The following GPC5 variants were observed in gnomAD, a reference collection of about 807,000 sequenced individuals.
The protein encoded by GPC5 is glypican-5.
A neutral mutation model predicts 53.9 loss-of-function variants in GPC5; 47 were observed. The observed-to-expected ratio is 0.87, with a 90% CI of 0.69 to 1.11. The LOEUF is 1.11. Ranked by LOEUF, GPC5 falls within the 50% of genes most tolerant of loss-of-function variation. The pLI, the probability that GPC5 is intolerant of heterozygous loss-of-function variation, is 0.00. For missense variants in GPC5, 748 were observed against 713.1 expected, an observed-to-expected ratio of 1.05 and a Z score of -0.56; for synonymous variants, 286 against 263.3, an observed-to-expected ratio of 1.09 and a Z score of -0.84.
chr13:91,758,871 C>A (rs2037351108), intron 5 of GPC5, among the ~76,000 whole-genome samples: 1 of 152,116 alleles, frequency 6.6e-6, no homozygotes, highest in African/African-American at 2.4e-5. Context: ...ACCTCATCAC[C>A]TTAATGGACA....
At chr13:92,536,097 T>C (rs1356057351) in intron 7 of GPC5, among the ~76,000 whole-genome samples, 3 of 152,164 alleles carry the variant, frequency 2.0e-5, no homozygotes, top group Non-Finnish European at 1.5e-5. Context: ...TATTTGGGTG[T>C]CTTTTACTAA....
At chr13:91,883,354 T>C (rs1436573676) in intron 5 of GPC5, among the ~76,000 whole-genome samples, 1 of 152,176 alleles carries the variant, frequency 6.6e-6, no homozygotes, top group African/African-American at 2.4e-5. Context: ...ATTGTAGCAG[T>C]CACAAGCATG....
At chr13:92,309,719 A>G (rs1437269446) in intron 7 of GPC5, among the ~76,000 whole-genome samples, 1 of 152,084 alleles carries the variant, frequency 6.6e-6, no homozygotes, top group Non-Finnish European at 1.5e-5. Flanking sequence ...CCATTATCTC[A>G]CATGTTTATC....
chr13:92,416,472 T>C (rs1323346496), intron 7 of GPC5, among the ~76,000 whole-genome samples: 1 of 152,188 alleles, frequency 6.6e-6, no homozygotes, highest in Admixed American at 6.5e-5. Flanking sequence ...GCAATGGAGA[T>C]AGAATAGTCT....
chr13:92,193,896 T>C (rs1321529202), intron 7 of GPC5, among the ~76,000 whole-genome samples: 1 of 152,214 alleles, frequency 6.6e-6, no homozygotes. Flanking sequence ...CGTACTGCTA[T>C]ATTTTTACTT....
At chr13:92,116,423 T>G (rs759757156) in intron 6 of GPC5, among the ~76,000 whole-genome samples, 1 of 152,148 alleles carries the variant, frequency 6.6e-6, no homozygotes, top group Admixed American at 6.5e-5. Context: ...CCAGAGAAAA[T>G]AAACTTCTGT....
chr13:91,528,893 C>G (rs533782918), intron 2 of GPC5, among the ~76,000 whole-genome samples: 1 of 152,168 alleles, frequency 6.6e-6, no homozygotes, highest in African/African-American at 2.4e-5. Flanking sequence ...TGCGTGAGAA[C>G]CCCCTTACTA....
chr13:91,603,656 T>C (rs946677956), intron 2 of GPC5, among the ~76,000 whole-genome samples: 4 of 152,226 alleles, frequency 2.6e-5, no homozygotes, highest in Non-Finnish European at 5.9e-5. Context: ...AATTTTGATA[T>C]GAAGTTTTGA....
At position 91,468,710 on chromosome 13, in the gene GPC5, G is replaced by T. The variant is rs562485280; in HGVS notation, c.325+19788G>T. ...TAAGCCCCTTAGGTTGTAGGGCTTT[G>T]TAACAGCAGCCCCAGGAAACCAATA... is the stretch of plus-strand genomic sequence containing the variant. On this transcript the variant is annotated intron_variant, in intron 2 of 7. Transcript: ENST00000377067. Among the ~76,000 whole-genome samples, 121 of 152,208 alleles carry T rather than the reference G, an allele frequency of 7.9e-4. No individual in the cohort carries two copies. The Middle Eastern group carries it at 0.017, about 21-fold the overall frequency.
rs2042979420 is a variant in GPC5 at position 92,289,538 on chromosome 13, T to C, written c.1561+144549T>C. Among the ~76,000 whole-genome samples, 6 of 152,192 alleles carry C rather than the reference T, an allele frequency of 3.9e-5. No individual in the cohort carries two copies. In the South Asian group the frequency reaches 1.2e-3, roughly 32 times the overall value. On this transcript the variant is annotated intron_variant, in intron 7 of 7. Coordinates refer to ENST00000377067, the MANE Select transcript of GPC5 (RefSeq NM_004466.6). ...ACATGAATTCTGTGAAAACATTTTATTTCTTTACCATATATACTGCAATAT... is the reference window on the plus strand; with the variant it reads ...ACATGAATTCTGTGAAAACATTTTACTTCTTTACCATATATACTGCAATAT...
intron 7 of GPC5, among the ~76,000 whole-genome samples, chr13:92,658,459 T>C (rs1000695097): frequency 1.3e-5 from 2 of 152,232 alleles, no homozygotes; most frequent in African/African-American, 2.4e-5. Flanking sequence ...AAGCCACACC[T>C]GTTCCAGCAC....
chr13:92,618,981 T>C (rs1217708918), intron 7 of GPC5, among the ~76,000 whole-genome samples: 1 of 151,968 alleles, frequency 6.6e-6, no homozygotes, highest in East Asian at 1.9e-4. Context: ...CACATCTATA[T>C]TAAAAAGTAG....
chr13:91,953,012 G>A (rs1384963051), intron 6 of GPC5, among the ~76,000 whole-genome samples: 1 of 152,144 alleles, frequency 6.6e-6, no homozygotes. Context: ...ATAACTTGGT[G>A]TCCTGGAGAG....
chr13:92,702,890 C>T (rs1355013543), intron 7 of GPC5, among the ~76,000 whole-genome samples: 1 of 151,824 alleles, frequency 6.6e-6, no homozygotes, highest in Non-Finnish European at 1.5e-5. Flanking sequence ...CACTGGTCTC[C>T]TTGGCTCCCC....
At chr13:91,977,958 A>T (rs1297819459) in intron 6 of GPC5, among the ~76,000 whole-genome samples, 2 of 36,236 alleles carry the variant, frequency 5.5e-5, no homozygotes, top group Non-Finnish European at 1.4e-4. Context: ...AAAAGAAAAA[A>T]GAAAGAAAGA....
intron 5 of GPC5, among the ~76,000 whole-genome samples, chr13:91,889,607 G>A (rs2039363238): frequency 3.3e-5 from 5 of 152,092 alleles, no homozygotes. Context: ...GTTTTGGAAT[G>A]ATTCATATAA....
At chr13:92,279,989 A>G (rs1238131894) in intron 7 of GPC5, among the ~76,000 whole-genome samples, 1 of 152,056 alleles carries the variant, frequency 6.6e-6, no homozygotes, top group Non-Finnish European at 1.5e-5. Flanking sequence ...ATTTGTGTTA[A>G]TTCTTTAAAT....
intron 7 of GPC5, among the ~76,000 whole-genome samples, chr13:92,151,159 T>A (rs1176169481): frequency 6.6e-6 from 1 of 152,102 alleles, no homozygotes; most frequent in East Asian, 1.9e-4. Flanking sequence ...AGTAGTCATT[T>A]TCTTATTATT....
intron 5 of GPC5, among the ~76,000 whole-genome samples, chr13:91,878,416 T>C (rs529888913): frequency 2.6e-5 from 4 of 152,322 alleles, no homozygotes; most frequent in African/African-American, 9.6e-5. Flanking sequence ...ATTGGTGATA[T>C]GCAGGTATGA....
Sources: gnomAD v4.1 joint callset for allele counts (sites outside exome capture counted in the v4.1 genomes callset) on GRCh38, gnomAD v4.1.1 for gene constraint, MANE v1.5 for transcripts, NCBI Gene and HGNC (gene_info 2026-07-23, HGNC 2026-07-21) for gene names.